The following PTPRN2 variants were observed in gnomAD, a reference collection of about 807,000 sequenced individuals.
The protein encoded by PTPRN2 is protein tyrosine phosphatase receptor type N2.
In PTPRN2, 74 loss-of-function variants were observed where a neutral mutation model predicts 118.8. That is an observed-to-expected ratio of 0.62 (90% CI 0.52 to 0.76). The LOEUF (loss-of-function observed/expected upper bound fraction) is 0.76, where lower values mean the gene tolerates loss of function less well. Among genes scored for constraint, PTPRN2 ranks in the 30% least tolerant of loss-of-function variants. PTPRN2 has a pLI of 0.00. For missense variants in PTPRN2, 1,481 were observed against 1,394.4 expected, an observed-to-expected ratio of 1.06 and a Z score of -0.99; for synonymous variants, 641 against 608.0, an observed-to-expected ratio of 1.05 and a Z score of -0.80.
chr7:158,453,623 AAG>A (rs1457387445), intron 2 of PTPRN2, among the ~76,000 whole-genome samples: 1 of 152,218 alleles, frequency 6.6e-6, no homozygotes, highest in Admixed American at 6.5e-5. Flanking sequence ...GAGCTCAGGA[AAG>A]AGGGGCAGGA....
intron 9 of PTPRN2, 135 bp downstream of exon 9, chr7:158,133,542 T>G (rs13312684): frequency 7.9e-7 from 1 of 1,268,080 alleles, no homozygotes; most frequent in Non-Finnish European, 1.1e-6. Context: ...ACTCCAGGGA[T>G]GCCTGCACCC....
intron 2 of PTPRN2, among the ~76,000 whole-genome samples, chr7:158,433,566 T>C (rs1816371941): frequency 6.6e-6 from 1 of 152,252 alleles, no homozygotes; most frequent in African/African-American, 2.4e-5. Flanking sequence ...TTTTCATTCC[T>C]GGCACTGGTA....
chr7:157,828,406 C>T (rs112085302), intron 12 of PTPRN2, among the ~76,000 whole-genome samples: 7 of 152,340 alleles, frequency 4.6e-5, no homozygotes, highest in South Asian at 2.1e-4. Flanking sequence ...CCCCCACTTC[C>T]GCAAGCCCTC....
rs555546396 is a variant in PTPRN2 at position 158,406,128 on chromosome 7, C to T, written c.163+83607G>A. On this transcript the variant is annotated intron_variant, in intron 2 of 22. Coordinates refer to ENST00000389418, the MANE Select transcript of PTPRN2 (RefSeq NM_002847.5). ...CACACTGAGATCCCGGTGGCTCATC[C>T]GTGAGACACGTGGCCGCACACTGAG... 3.9e-5 allele frequency among the ~76,000 whole-genome samples: 4 copies of T among 101,398 alleles called. No homozygotes were observed. The South Asian group carries it at 1.0e-3, about 25-fold the overall frequency. The allele number at this position is 101,398 out of a possible 152,430, so 66.5% of individuals were successfully genotyped here. A position where few individuals can be genotyped will look rare whatever the true frequency, so the allele number is the denominator to read the frequency against.
intron 12 of PTPRN2, among the ~76,000 whole-genome samples, chr7:157,826,874 G>A (rs746583210): frequency 7.2e-4 from 110 of 152,208 alleles, no homozygotes; most frequent in Non-Finnish European, 1.2e-3. Flanking sequence ...TATATCCTGC[G>A]CACGGGGCAG....
intron 13 of PTPRN2, among the ~76,000 whole-genome samples, chr7:157,669,971 A>G (rs1329095984): frequency 1.3e-5 from 2 of 152,084 alleles, no homozygotes; most frequent in Admixed American, 6.5e-5. Flanking sequence ...CACAGCATCT[A>G]CGTGGTGCAG....
intron 12 of PTPRN2, among the ~76,000 whole-genome samples, chr7:157,717,539 T>C (rs1040880695): frequency 1.3e-5 from 2 of 152,260 alleles, no homozygotes; most frequent in Non-Finnish European, 2.9e-5. Context: ...GGCAACGTTG[T>C]TCAGCTGAGC....
intron 14 of PTPRN2, among the ~76,000 whole-genome samples, chr7:157,635,131 A>C (rs996567198): frequency 2.6e-5 from 4 of 152,256 alleles, no homozygotes; most frequent in African/African-American, 9.6e-5. Context: ...AGTGGGAAGA[A>C]TCATGAGGAC....
chr7:157,890,013 A>G (rs191963212), intron 12 of PTPRN2, among the ~76,000 whole-genome samples: 1 of 151,680 alleles, frequency 6.6e-6, no homozygotes, highest in Non-Finnish European at 1.5e-5. Flanking sequence ...AAATCACAGA[A>G]TTTGATTTAT....
chr7:157,934,654 T>C (rs1799592636), intron 11 of PTPRN2, among the ~76,000 whole-genome samples: 1 of 152,236 alleles, frequency 6.6e-6, no homozygotes, highest in African/African-American at 2.4e-5. Flanking sequence ...CACTTGGCGA[T>C]GATGAGCAAA....
intron 11 of PTPRN2, among the ~76,000 whole-genome samples, chr7:157,942,003 G>C (rs962514971): frequency 6.6e-6 from 1 of 151,196 alleles, no homozygotes; most frequent in Non-Finnish European, 1.5e-5. Flanking sequence ...TCAAATATGG[G>C]GGTCCTTAGC....
chr7:157,747,333 C>CT lies in PTPRN2; in HGVS notation c.1789-64397_1789-64396insA, dbSNP rs1265865594. ...GTCCGGGTGATTCTGAGGCCTGCGT[C>CT]CCTGAGCTGTGGGGTGTCCGGGTGA... On this transcript the variant is annotated intron_variant, in intron 12 of 22. Transcript: ENST00000389418. Among the ~76,000 whole-genome samples the CT allele has an allele frequency of 6.5e-4, 92 of 140,980 alleles. 3 individuals are homozygous for CT. The highest frequency in any genetic ancestry group is 2.0e-3 in the Admixed American group (28 of 14,028). The allele number at this position is 140,980 out of a possible 152,430, so 92.5% of individuals were successfully genotyped here.
chr7:158,249,408 A>G (rs892158232), intron 3 of PTPRN2, among the ~76,000 whole-genome samples: 1 of 149,956 alleles, frequency 6.7e-6, no homozygotes, highest in Non-Finnish European at 1.5e-5. Context: ...CTGCACGCAC[A>G]CACCCTGCAT....
intron 2 of PTPRN2, among the ~76,000 whole-genome samples, chr7:158,334,558 A>C (rs1392157126): frequency 1.8e-5 from 2 of 110,970 alleles, no homozygotes; most frequent in Admixed American, 1.8e-4. Flanking sequence ...CACTCTCACC[A>C]TAAGAGCTCT....
chr7:157,911,416 G>A (rs1798102122), intron 11 of PTPRN2, among the ~76,000 whole-genome samples: 3 of 152,220 alleles, frequency 2.0e-5, no homozygotes, highest in Non-Finnish European at 4.4e-5. Flanking sequence ...ACTGACATGT[G>A]TATAACGTTC....
At chr7:158,352,467 T>C (rs1456716587) in intron 2 of PTPRN2, among the ~76,000 whole-genome samples, 1 of 152,220 alleles carries the variant, frequency 6.6e-6, no homozygotes, top group Admixed American at 6.5e-5. Context: ...TGCATTAGAA[T>C]GGCTGCTTCA....
At chr7:158,159,065 G>T (rs5013415) in intron 6 of PTPRN2, among the ~76,000 whole-genome samples, 562 of 16,164 alleles carry the variant, frequency 0.035, 67 homozygotes, top group African/African-American at 0.13. Context: ...ACTTCGCAAG[G>T]GCTTCCTGAA....
At chr7:157,741,240 T>G (rs369565449) in intron 12 of PTPRN2, among the ~76,000 whole-genome samples, 9 of 152,226 alleles carry the variant, frequency 5.9e-5, no homozygotes, top group African/African-American at 2.2e-4. Context: ...GACTTGCCAA[T>G]CAATTATCAA....
intron 2 of PTPRN2, among the ~76,000 whole-genome samples, chr7:158,375,400 C>G (rs1810422686): frequency 6.6e-6 from 1 of 152,224 alleles, no homozygotes; most frequent in Admixed American, 6.5e-5. Context: ...TTTAGGAGAG[C>G]ATGCAAGGCA....
Sources: allele counts gnomAD v4.1 joint callset (sites outside exome capture counted in the v4.1 genomes callset), GRCh38; gene constraint gnomAD v4.1.1; transcripts MANE v1.5; gene names NCBI Gene and HGNC (gene_info 2026-07-23, HGNC 2026-07-21).